Variants in SLC25A12 observed in about 807,000 individuals in gnomAD.
The protein encoded by SLC25A12 is electrogenic aspartate/glutamate antiporter SLC25A12, mitochondrial.
In SLC25A12, 32 loss-of-function variants were observed where a neutral mutation model predicts 83.3. That is an observed-to-expected ratio of 0.38 (90% CI 0.29 to 0.52). The LOEUF (loss-of-function observed/expected upper bound fraction) is 0.52, where lower values mean the gene tolerates loss of function less well. SLC25A12 is among the 20% of genes least tolerant of loss of function. SLC25A12 has a pLI of 0.84. For missense variants in SLC25A12, 611 were observed against 835.6 expected (o/e 0.73, Z 3.31); for synonymous variants, 267 against 291.1 (o/e 0.92, Z 0.84).
intron 17 of SLC25A12, among the ~76,000 whole-genome samples, chr2:171,786,092 T>C (rs1463780262): frequency 1.3e-5 from 2 of 152,054 alleles, no homozygotes; most frequent in Admixed American, 6.5e-5. Flanking sequence ...TAAAGAGAGA[T>C]AGGCCGGGCA....
At chr2:171,819,479 A>G (rs1425267328) in intron 9 of SLC25A12, among the ~76,000 whole-genome samples, 1 of 136,500 alleles carries the variant, frequency 7.3e-6, no homozygotes, top group African/African-American at 2.7e-5. Flanking sequence ...ATATTAATAT[A>G]TATATAATTT....
At chr2:171,801,777 T>C (rs1683711584) in intron 13 of SLC25A12, among the ~76,000 whole-genome samples, 1 of 152,168 alleles carries the variant, frequency 6.6e-6, no homozygotes, top group African/African-American at 2.4e-5. Flanking sequence ...GAGCATGTTT[T>C]AGGTAGGATA....
At chr2:171,805,391 G>A (rs1159752722) in intron 13 of SLC25A12, among the ~76,000 whole-genome samples, 6 of 152,176 alleles carry the variant, frequency 3.9e-5, no homozygotes, top group African/African-American at 9.7e-5. Flanking sequence ...GATTACAGGC[G>A]TGAGCCACCG....
intron 9 of SLC25A12, among the ~76,000 whole-genome samples, chr2:171,815,928 CATAA>C (rs1158036360): frequency 2.0e-5 from 3 of 151,550 alleles, no homozygotes; most frequent in Non-Finnish European, 4.4e-5. Flanking sequence ...ATTATATATA[CATAA>C]ACTTAATATA....
intron 15 of SLC25A12, among the ~76,000 whole-genome samples, chr2:171,790,776 C>T (rs1341992982): frequency 3.3e-5 from 5 of 151,878 alleles, no homozygotes; most frequent in East Asian, 1.9e-4. Context: ...GGTGTCATCT[C>T]GGCTCACCGC....
chr2:171,868,669 G>A lies in SLC25A12; in HGVS notation c.209+12C>T. Reference sequence around the variant, plus strand: ...GAACATTAGTTTTCAGAAAATGCATGAAGATACTTACCCATCCTTGGTTTG... The same window carrying A: ...GAACATTAGTTTTCAGAAAATGCATAAAGATACTTACCCATCCTTGGTTTG... On this transcript the variant is annotated intron_variant, in intron 3 of 17. Coordinates refer to ENST00000422440, the MANE Select transcript of SLC25A12 (RefSeq NM_003705.5). 2 of 1,612,578 alleles carry A rather than the reference G, an allele frequency of 1.2e-6. No homozygotes were observed. Among genetic ancestry groups the A allele is most frequent in the East Asian group, 2.2e-5 (1 of 44,860 alleles).
intron 5 of SLC25A12, among the ~76,000 whole-genome samples, chr2:171,838,830 T>C (rs550415782): frequency 1.6e-3 from 240 of 152,252 alleles, no homozygotes; most frequent in African/African-American, 5.6e-3. Context: ...GTGGAGGGTA[T>C]AGATAAAAAA....
chr2:171,818,689 T>A (rs1022423435), intron 9 of SLC25A12, among the ~76,000 whole-genome samples: 2 of 152,068 alleles, frequency 1.3e-5, no homozygotes, highest in African/African-American at 4.8e-5. Flanking sequence ...GAAGGATCAC[T>A]TGAGCCTGGG....
chr2:171,847,287 A>G (rs889371537), intron 4 of SLC25A12, among the ~76,000 whole-genome samples: 2 of 152,252 alleles, frequency 1.3e-5, no homozygotes, highest in African/African-American at 4.8e-5. Flanking sequence ...TCAGATACAC[A>G]GAAATAATTA....
chr2:171,835,590 G>A (rs868046998), intron 6 of SLC25A12, among the ~76,000 whole-genome samples: 1 of 152,126 alleles, frequency 6.6e-6, no homozygotes, highest in Non-Finnish European at 1.5e-5. Context: ...CTCACCACTT[G>A]GACATAAACT....
intron 4 of SLC25A12, chr2:171,845,679 T>A (rs550625873): frequency 3.5e-6 from 1 of 285,134 alleles, no homozygotes; most frequent in Non-Finnish European, 7.2e-6. Flanking sequence ...AATAAAAGCA[T>A]TACTACTGGG....
chr2:171,891,908 A>G (rs142658853), intron 2 of SLC25A12, among the ~76,000 whole-genome samples: 157 of 152,374 alleles, frequency 1.0e-3, no homozygotes, highest in African/African-American at 3.5e-3. Flanking sequence ...TTCATAAACT[A>G]CACATATGTA....
intron 2 of SLC25A12, among the ~76,000 whole-genome samples, chr2:171,875,901 ACT>A (rs1481856541): frequency 1.0e-5 from 1 of 98,452 alleles, no homozygotes; most frequent in Non-Finnish European, 2.0e-5. Flanking sequence ...CGAGCGCAAG[ACT>A]CTGTCTCAAA....
At chr2:171,860,126 C>T (rs1685123987) in intron 3 of SLC25A12, among the ~76,000 whole-genome samples, 2 of 152,020 alleles carry the variant, frequency 1.3e-5, no homozygotes, top group Admixed American at 1.3e-4. Flanking sequence ...CTGAACTGTC[C>T]ACTTAAAAAT....
At chr2:171,806,849 C>T (rs1683844202) in intron 13 of SLC25A12, among the ~76,000 whole-genome samples, 1 of 152,212 alleles carries the variant, frequency 6.6e-6, no homozygotes, top group Non-Finnish European at 1.5e-5. Flanking sequence ...GGACACCGTA[C>T]ATCGTATCAC....
intron 3 of SLC25A12, among the ~76,000 whole-genome samples, chr2:171,868,087 C>G: frequency 6.6e-6 from 1 of 152,214 alleles, no homozygotes; most frequent in Middle Eastern, 3.4e-3. Context: ...ACCTCGTGAT[C>G]CACCCACTTG....
At chr2:171,868,881 A>T (rs979989390) in intron 2 of SLC25A12, 58 bp from the exon 3 acceptor site, 4 of 1,409,874 alleles carry the variant, frequency 2.8e-6, no homozygotes, top group Non-Finnish European at 4.0e-6. Flanking sequence ...TTTTATATCC[A>T]ATAAATGGTT....
intron 9 of SLC25A12, among the ~76,000 whole-genome samples, chr2:171,819,986 G>A (rs975903050): frequency 7.9e-5 from 12 of 152,096 alleles, no homozygotes; most frequent in African/African-American, 2.7e-4. Context: ...GCCAAATACC[G>A]TATGTTCTCA....
intron 8 of SLC25A12, among the ~76,000 whole-genome samples, chr2:171,828,246 G>A (rs1399984407): frequency 2.0e-5 from 3 of 152,226 alleles, no homozygotes; most frequent in African/African-American, 7.2e-5. Flanking sequence ...GCCCTGCCCA[G>A]AATGGGGAAG....
Sources: allele counts gnomAD v4.1 joint callset (sites outside exome capture counted in the v4.1 genomes callset), GRCh38; gene constraint gnomAD v4.1.1; transcripts MANE v1.5; gene names NCBI Gene and HGNC (gene_info 2026-07-23, HGNC 2026-07-21).